MAP3K13: variants seen among roughly 807,000 people sequenced by gnomAD.
MAP3K13 encodes leucine zipper-bearing kinase.
In MAP3K13, 52 loss-of-function variants were observed where a neutral mutation model predicts 104.0. The ratio of observed to expected loss-of-function variants is 0.50; its 90% CI spans 0.40 to 0.63. The LOEUF is 0.63. Ranked by LOEUF, MAP3K13 falls within the 20% of genes least tolerant of loss-of-function variation. The pLI is 0.00. For synonymous variants in MAP3K13, 394 were observed against 442.2 expected, an observed-to-expected ratio of 0.89 and a Z score of 1.37; for missense variants, 914 against 1,218.5, an observed-to-expected ratio of 0.75 and a Z score of 3.72.
At chr3:185,421,473 C>G (rs1714125908) in intron 1 of MAP3K13, among the ~76,000 whole-genome samples, 1 of 152,164 alleles carries the variant, frequency 6.6e-6, no homozygotes, top group Admixed American at 6.5e-5. Context: ...GCTGGGATTA[C>G]AGGCATGAGC....
At chr3:185,451,473 G>A in intron 7 of MAP3K13, 78 bp downstream of exon 7, 1 of 923,058 alleles carries the variant, frequency 1.1e-6, no homozygotes, top group South Asian at 1.3e-5. Flanking sequence ...TCTTAGAAGG[G>A]CCCATTGTGT....
chr3:185,308,352 T>C (rs1397161896), intron 2 of MAP3K13, among the ~76,000 whole-genome samples: 4 of 152,198 alleles, frequency 2.6e-5, no homozygotes, highest in Non-Finnish European at 5.9e-5. Flanking sequence ...TCCTACAAGC[T>C]GCCTAGGTCT....
rs754398765 is a variant in MAP3K13 at position 185,428,760 on chromosome 3, T to G, written c.179T>G (p.Val60Gly). Residue 60 changes from valine (V) to glycine (G), a missense_variant, in exon 2 of 14, where the codon GTG becomes GGG. By Grantham distance (109) the Val-to-Gly change is moderately radical. Coordinates refer to ENST00000265026, the MANE Select transcript of MAP3K13 (RefSeq NM_004721.5). ...GTACGAACAGAGCTAATCGAGAGCG[T>G]GCACAGCCCCGTCACCACAACAGTG... ...GMVRTELIES[V>G]HSPVTTTVLT... 1 of 1,614,118 alleles carries G rather than the reference T, an allele frequency of 6.2e-7. No homozygotes were observed. Among genetic ancestry groups the G allele is most frequent in the Non-Finnish European group, 8.5e-7 (1 of 1,180,026 alleles).
chr3:185,368,182 A>C (rs1427849339), intron 1 of MAP3K13, among the ~76,000 whole-genome samples: 6 of 152,136 alleles, frequency 3.9e-5, no homozygotes, highest in Admixed American at 3.9e-4. Flanking sequence ...AATTAAATGT[A>C]ATCTTTGTGA....
rs1718673828 is a variant in MAP3K13, at chr3:185,485,492, T to C, written c.*3036T>C. 1 of 152,062 alleles carries C rather than the reference T, an allele frequency of 6.6e-6. No homozygotes were observed. Among genetic ancestry groups the C allele is most frequent in the South Asian group, 2.1e-4 (1 of 4,832 alleles). 9.4% of individuals were successfully genotyped at this position (152,062 alleles called of 1,614,324 possible). On this transcript the variant is annotated 3_prime_UTR_variant, in exon 14 of 14. Coordinates refer to ENST00000265026, the MANE Select transcript of MAP3K13 (RefSeq NM_004721.5). ...CAGCATTCTGAGGAGCATGATGAGA[T>C]CTTGCCCCTTGCTGCCCTGGAGGTG...
At chr3:185,459,697 G>A (rs1443802808) in intron 7 of MAP3K13, among the ~76,000 whole-genome samples, 3 of 152,066 alleles carry the variant, frequency 2.0e-5, no homozygotes, top group South Asian at 2.1e-4. Context: ...TGATCCACCC[G>A]CCTCAGCCTC....
At chr3:185,445,984 A>C (rs1715570440) in intron 4 of MAP3K13, among the ~76,000 whole-genome samples, 1 of 152,164 alleles carries the variant, frequency 6.6e-6, no homozygotes, top group Admixed American at 6.5e-5. Flanking sequence ...TTTAATCCTT[A>C]TGCATTTTCA....
intron 2 of MAP3K13, among the ~76,000 whole-genome samples, chr3:185,320,016 C>T (rs1161666248): frequency 6.6e-6 from 1 of 151,954 alleles, no homozygotes; most frequent in Admixed American, 6.6e-5. Context: ...TGTTTCTTAG[C>T]CTCAGGGACT....
intron 1 of MAP3K13, among the ~76,000 whole-genome samples, chr3:185,368,631 C>T (rs1478084674): frequency 6.6e-5 from 10 of 152,082 alleles, no homozygotes; most frequent in Non-Finnish European, 8.8e-5. Flanking sequence ...GCCCATGTAC[C>T]GGGCATGAGA....
In MAP3K13 at chr3:185,455,661, T is replaced by TATATGAG. The variant is rs1278405431; in HGVS notation, c.1278+4270_1278+4271insGAGATAT. The stretch of plus-strand genomic sequence containing the variant: ...ATATATATGAGATATATATATGATA[T>TATATGAG]ATATATGATATATATATGAGATATA... On this transcript the variant is annotated intron_variant, in intron 7 of 13. Transcript: ENST00000265026. 1.9e-3 allele frequency among the ~76,000 whole-genome samples: 44 copies of TATATGAG among 23,758 alleles called. 11 individuals carry two copies. Among genetic ancestry groups the TATATGAG allele is most frequent in the South Asian group, 3.3e-3 (2 of 598 alleles). 15.6% of individuals were successfully genotyped at this position (23,758 alleles called of 152,430 possible).
At chr3:185,343,505 T>C (rs1722797394) in intron 2 of MAP3K13, among the ~76,000 whole-genome samples, 1 of 152,140 alleles carries the variant, frequency 6.6e-6, no homozygotes, top group Non-Finnish European at 1.5e-5. Context: ...CAGGCTGGAG[T>C]GCAGTGGTGT....
intron 5 of MAP3K13, 79 bp from the exon 6 acceptor site, chr3:185,449,821 G>T: frequency 2.2e-5 from 28 of 1,251,092 alleles, no homozygotes; most frequent in Admixed American, 2.7e-5. Flanking sequence ...GTACTAATTT[G>T]ATTTCAATTA....
intron 2 of MAP3K13, among the ~76,000 whole-genome samples, chr3:185,343,609 T>C (rs1722803016): frequency 6.6e-6 from 1 of 151,988 alleles, no homozygotes; most frequent in Non-Finnish European, 1.5e-5. Context: ...CGTGCCACCA[T>C]GCCCAGCTAG....
chr3:185,421,074 C>G (rs942108684), intron 1 of MAP3K13, among the ~76,000 whole-genome samples: 1 of 152,212 alleles, frequency 6.6e-6, no homozygotes, highest in Non-Finnish European at 1.5e-5. Context: ...CTTTGCGGAT[C>G]GGGACCTGTT....
intron 2 of MAP3K13, among the ~76,000 whole-genome samples, chr3:185,322,024 A>T (rs1427808579): frequency 1.3e-5 from 2 of 152,248 alleles, no homozygotes; most frequent in Non-Finnish European, 2.9e-5. Context: ...AGCCCTAGAA[A>T]TAGGAAGATG....
intron 2 of MAP3K13, among the ~76,000 whole-genome samples, chr3:185,330,781 C>A (rs1470665391): frequency 2.6e-5 from 4 of 152,180 alleles, no homozygotes; most frequent in Non-Finnish European, 4.4e-5. Context: ...GACCACTGCT[C>A]GTGCCCTACA....
At chr3:185,406,925 G>A (rs1343336029) in intron 1 of MAP3K13, among the ~76,000 whole-genome samples, 2 of 152,156 alleles carry the variant, frequency 1.3e-5, no homozygotes. Flanking sequence ...TGAAATGAAA[G>A]CCAGAAATCA....
intron 2 of MAP3K13, among the ~76,000 whole-genome samples, chr3:185,354,615 G>GC (rs987564354): frequency 6.6e-6 from 1 of 151,582 alleles, no homozygotes; most frequent in African/African-American, 2.4e-5. Flanking sequence ...GTATGGGGGG[G>GC]GGGCAGGGTA....
chr3:185,347,743 G>A (rs527726601), intron 2 of MAP3K13, among the ~76,000 whole-genome samples: 6 of 152,066 alleles, frequency 3.9e-5, no homozygotes, highest in Admixed American at 6.6e-5. Flanking sequence ...GCGTAGTGGC[G>A]CACACCTGTA....
Sources: allele counts gnomAD v4.1 joint callset (sites outside exome capture counted in the v4.1 genomes callset), GRCh38; gene constraint gnomAD v4.1.1; transcripts MANE v1.5; gene names NCBI Gene and HGNC (gene_info 2026-07-23, HGNC 2026-07-21).